Variants in NTNG1 observed in about 807,000 individuals in gnomAD.
NTNG1 encodes the protein netrin-G1.
NTNG1 carries 16 observed loss-of-function variants against 54.0 expected under a neutral mutation model. That is an observed-to-expected ratio of 0.30 (90% CI 0.20 to 0.45). The LOEUF is 0.45. Ranked by LOEUF, NTNG1 falls within the 20% of genes least tolerant of loss-of-function variation. The pLI, the probability that NTNG1 is intolerant of heterozygous loss-of-function variation, is 1.00. For synonymous variants in NTNG1, 255 were observed against 263.1 expected, an observed-to-expected ratio of 0.97 and a Z score of 0.30; for missense variants, 530 against 678.7, an observed-to-expected ratio of 0.78 and a Z score of 2.43.
rs149169309 is a variant in NTNG1 at position 107,165,029 on chromosome 1, T to C, written c.246+16190T>C. On this transcript the variant is annotated intron_variant, in intron 2 of 7. Coordinates refer to ENST00000370068, the MANE Select transcript of NTNG1 (RefSeq NM_001113226.3). ...ATACGAGCCAGAGTGGGGTGAGTAG[T>C]TTGGCGGGAAGGGCGGTTACAGAAC... 1.5e-3 allele frequency among the ~76,000 whole-genome samples: 228 copies of C among 152,086 alleles called. 1 individual carries two copies. The highest frequency in any genetic ancestry group is 5.0e-3 in the African/African-American group (209 of 41,482).
Position 107,250,798 on chromosome 1 carries a change from G to A in NTNG1, c.247-73484G>A, listed in dbSNP as rs76668495. 5.2e-3 allele frequency among the ~76,000 whole-genome samples: 787 copies of A among 152,300 alleles called. 4 individuals carry two copies. Among genetic ancestry groups the A allele is most frequent in the Non-Finnish European group, 9.4e-3 (639 of 68,024 alleles). On this transcript the variant is annotated intron_variant, in intron 2 of 7. Coordinates refer to ENST00000370068, the MANE Select transcript of NTNG1 (RefSeq NM_001113226.3). ...AGATAGGGTGACCTTGGTCAAGGCA[G>A]CTTCAGCTGAAAGCAGCCAACCCGC...
chr1:107,207,036 A>AT (rs1659247470), intron 2 of NTNG1, among the ~76,000 whole-genome samples: 1 of 152,082 alleles, frequency 6.6e-6, no homozygotes, highest in Non-Finnish European at 1.5e-5. Context: ...AAAAATTAAG[A>AT]TTTTTCACTG....
At chr1:107,327,127 T>A (rs1357948125) in intron 3 of NTNG1, among the ~76,000 whole-genome samples, 1 of 152,194 alleles carries the variant, frequency 6.6e-6, no homozygotes, top group East Asian at 1.9e-4. Context: ...GCTGGGCAAA[T>A]GAGAAAGGTC....
intron 2 of NTNG1, among the ~76,000 whole-genome samples, chr1:107,201,529 G>T (rs565259452): frequency 6.6e-6 from 1 of 151,904 alleles, no homozygotes; most frequent in African/African-American, 2.4e-5. Flanking sequence ...GATTGCCAAA[G>T]ATGTTATCTC....
intron 2 of NTNG1, among the ~76,000 whole-genome samples, chr1:107,214,126 T>C (rs1323659457): frequency 6.6e-6 from 1 of 152,176 alleles, no homozygotes; most frequent in Non-Finnish European, 1.5e-5. Flanking sequence ...TTTAATGTAT[T>C]TATTTTTTAT....
At chr1:107,151,780 T>TA (rs1176705756) in intron 2 of NTNG1, among the ~76,000 whole-genome samples, 1 of 152,086 alleles carries the variant, frequency 6.6e-6, no homozygotes, top group Non-Finnish European at 1.5e-5. Flanking sequence ...TAATATAGAG[T>TA]AAAATTTCAG....
intron 7 of NTNG1, among the ~76,000 whole-genome samples, chr1:107,443,929 C>T (rs1019232295): frequency 1.3e-5 from 2 of 152,078 alleles, no homozygotes; most frequent in African/African-American, 2.4e-5. Context: ...TGTGGTACGA[C>T]TCCTAAGGGT....
intron 4 of NTNG1, among the ~76,000 whole-genome samples, chr1:107,403,906 T>C (rs1157392976): frequency 6.6e-6 from 1 of 151,960 alleles, no homozygotes; most frequent in Admixed American, 6.6e-5. Context: ...CTTTCAGCTT[T>C]CATTTGTTAT....
At position 107,481,925 on chromosome 1, in the gene NTNG1, A is replaced by T. The variant is rs1054475863; in HGVS notation, c.*1085A>T. On this transcript the variant is annotated 3_prime_UTR_variant, in exon 8 of 8. Transcript: ENST00000370068. ...CACCAAGCAGTTTCACACTCACTTT[A>T]CTGATTTCTGTGTGGACTGAGTACA... is the stretch of plus-strand genomic sequence containing the variant. 6.6e-6 allele frequency: 1 copy of T among 152,324 alleles called. No individual in the cohort carries two copies. Among genetic ancestry groups the T allele is most frequent in the African/African-American group, 2.4e-5 (1 of 41,442 alleles). 9.4% of individuals were successfully genotyped at this position (152,324 alleles called of 1,614,324 possible). A position where few individuals can be genotyped will look rare whatever the true frequency, so the allele number is the denominator to read the frequency against.
chr1:107,267,624 C>T (rs567166949), intron 2 of NTNG1, among the ~76,000 whole-genome samples: 29 of 152,224 alleles, frequency 1.9e-4, no homozygotes, highest in Admixed American at 2.0e-4. Context: ...AGCCAGGATC[C>T]CTCCCACTAC....
chr1:107,382,102 C>CTTGA (rs1553236341), intron 3 of NTNG1, among the ~76,000 whole-genome samples: 1 of 151,318 alleles, frequency 6.6e-6, no homozygotes, highest in Non-Finnish European at 1.5e-5. Context: ...CTCTGTTCTC[C>CTTGA]TTGCTGGAAG....
chr1:107,184,994 C>T (rs1442264032), intron 2 of NTNG1, among the ~76,000 whole-genome samples: 3 of 152,072 alleles, frequency 2.0e-5, no homozygotes, highest in South Asian at 2.1e-4. Context: ...TGAGGTGTCT[C>T]CTCACGTGTC....
intron 2 of NTNG1, among the ~76,000 whole-genome samples, chr1:107,205,959 T>A (rs1377657681): frequency 1.3e-5 from 2 of 152,216 alleles, no homozygotes; most frequent in Non-Finnish European, 2.9e-5. Context: ...GTTTTAAAAT[T>A]AATCTGCATT....
intron 2 of NTNG1, among the ~76,000 whole-genome samples, chr1:107,185,718 A>T (rs1237825629): frequency 6.6e-6 from 1 of 152,130 alleles, no homozygotes; most frequent in African/African-American, 2.4e-5. Context: ...AAACAGCCAC[A>T]ATCATACTGA....
intron 2 of NTNG1, among the ~76,000 whole-genome samples, chr1:107,152,224 G>A (rs1205908731): frequency 6.6e-6 from 1 of 151,974 alleles, no homozygotes; most frequent in South Asian, 2.1e-4. Context: ...GGGAAGGTGG[G>A]GGTTAACCCT....
intron 7 of NTNG1, among the ~76,000 whole-genome samples, chr1:107,457,810 T>C (rs1349227092): frequency 6.6e-6 from 1 of 152,120 alleles, no homozygotes; most frequent in African/African-American, 2.4e-5. Context: ...ATGAATCTAA[T>C]ACTTTGCCGT....
chr1:107,466,626 A>G (rs911731864), intron 7 of NTNG1, among the ~76,000 whole-genome samples: 2 of 152,216 alleles, frequency 1.3e-5, no homozygotes, highest in Non-Finnish European at 2.9e-5. Context: ...CTTTTTCATC[A>G]CTGCTTAATC....
At chr1:107,296,038 T>C (rs1353678413) in intron 2 of NTNG1, among the ~76,000 whole-genome samples, 1 of 152,180 alleles carries the variant, frequency 6.6e-6, no homozygotes, top group Non-Finnish European at 1.5e-5. Context: ...TCTGCCTCAG[T>C]TGATCCTCTT....
intron 3 of NTNG1, among the ~76,000 whole-genome samples, chr1:107,389,941 C>T (rs1302759007): frequency 6.6e-6 from 1 of 152,178 alleles, no homozygotes; most frequent in African/African-American, 2.4e-5. Context: ...TGGGACGTCA[C>T]AGAAGTCTGC....
Sources: gnomAD v4.1 joint callset for allele counts (sites outside exome capture counted in the v4.1 genomes callset) on GRCh38, gnomAD v4.1.1 for gene constraint, MANE v1.5 for transcripts, NCBI Gene and HGNC (gene_info 2026-07-23, HGNC 2026-07-21) for gene names.